ITPR1: variants seen among roughly 807,000 people sequenced by gnomAD.
ITPR1 encodes inositol 1,4,5-trisphosphate receptor type 1, also known as inositol 1,4,5-trisphosphate-gated calcium channel ITPR1.
A neutral mutation model predicts 318.4 loss-of-function variants in ITPR1; 96 were observed. The observed-to-expected ratio is 0.30, with a 90% CI of 0.26 to 0.36. ITPR1 has a LOEUF of 0.36. Ranked by LOEUF, ITPR1 falls within the 10% of genes least tolerant of loss-of-function variation. ITPR1 has a pLI of 1.00. For synonymous variants in ITPR1, 1,312 were observed against 1,289.9 expected, an observed-to-expected ratio of 1.02 and a Z score of -0.37; for missense variants, 2,440 against 3,460.2, an observed-to-expected ratio of 0.71 and a Z score of 7.40.
intron 4 of ITPR1, among the ~76,000 whole-genome samples, chr3:4,537,662 C>A (rs2124967048): frequency 6.6e-6 from 1 of 152,242 alleles, no homozygotes; most frequent in East Asian, 1.9e-4. Context: ...AGGATAGAAA[C>A]AATAGGTTGG....
chr3:4,767,550 ACT>A (rs1201773323), intron 45 of ITPR1, among the ~76,000 whole-genome samples: 2 of 152,188 alleles, frequency 1.3e-5, no homozygotes, highest in African/African-American at 4.8e-5. Context: ...GCTCTGTCTC[ACT>A]CTGTTGCCCA....
intron 4 of ITPR1, among the ~76,000 whole-genome samples, chr3:4,622,805 T>C (rs1434328816): frequency 6.6e-6 from 1 of 152,228 alleles, no homozygotes; most frequent in Non-Finnish European, 1.5e-5. Flanking sequence ...TGCAGTTGTT[T>C]CTGGAGCACT....
In ITPR1 at chr3:4,685,152, G is replaced by A. The variant is rs540908870; in HGVS notation, c.3648G>A (p.Arg1216=). 67 of 1,609,268 alleles carry A rather than the reference G, an allele frequency of 4.2e-5. No homozygotes were observed. The East Asian group carries it at 1.5e-3, about 35-fold the overall frequency. Residue 1216 remains arginine, a synonymous_variant, in exon 30 of 62, where the codon CGG becomes CGA. Transcript: ENST00000649015. ...KSRKQQQRLL[R]NMGAHAVVLE... is the part of the protein sequence containing the mutation. ...GGAAGCAGCAACAGCGTCTGCTCCG[G>A]AACATGGGCGCGCACGCCGTGGTGC...
intron 4 of ITPR1, among the ~76,000 whole-genome samples, chr3:4,539,483 A>AT (rs2084210311): frequency 6.6e-6 from 1 of 151,926 alleles, no homozygotes; most frequent in Non-Finnish European, 1.5e-5. Context: ...ATTTGTTAAA[A>AT]TTTTCTATTA....
intron 4 of ITPR1, among the ~76,000 whole-genome samples, chr3:4,586,320 G>A (rs576052549): frequency 1.3e-5 from 2 of 152,248 alleles, no homozygotes; most frequent in African/African-American, 4.8e-5. Context: ...CATGAGGCTG[G>A]TGCTAGTCAT....
At chr3:4,615,985 T>C (rs1482493237) in intron 4 of ITPR1, among the ~76,000 whole-genome samples, 4 of 152,206 alleles carry the variant, frequency 2.6e-5, no homozygotes, top group Non-Finnish European at 5.9e-5. Flanking sequence ...GTCTATGTTT[T>C]TTGCAGATGG....
intron 4 of ITPR1, among the ~76,000 whole-genome samples, chr3:4,551,200 C>G (rs1033054629): frequency 6.6e-6 from 1 of 152,122 alleles, no homozygotes; most frequent in African/African-American, 2.4e-5. Context: ...TTTTGTTGCT[C>G]TTATTCTTGT....
intron 57 of ITPR1, 57 bp downstream of exon 57, chr3:4,813,291 C>A: frequency 1.7e-6 from 2 of 1,172,072 alleles, no homozygotes; most frequent in Non-Finnish European, 2.5e-6. Flanking sequence ...AGAGGCTTAG[C>A]TGATGCAGGT....
rs758802963 is a variant in ITPR1, at chr3:4,735,235, A to C, written c.5425A>C (p.Lys1809Gln). 1.2e-6 allele frequency: 2 copies of C among 1,613,862 alleles called. No individual in the cohort carries two copies. Among genetic ancestry groups the C allele is most frequent in the South Asian group, 1.1e-5 (1 of 91,076 alleles). ...GGCCGAGGTTCAGTGTCACCTTGAC[A>C]AGGAGGGGGCTTCCAATCTAGTTAT... Reference protein sequence around the residue: ...SLAEVQCHLDKEGASNLVIDL... With the variant: ...SLAEVQCHLDQEGASNLVIDL... The change falls in exon 44 of 62, where the codon AAG becomes CAG. Residue 1809 changes from lysine to glutamine, a missense_variant. Transcript: ENST00000649015.
At chr3:4,528,054 T>C (rs1044809419) in intron 4 of ITPR1, among the ~76,000 whole-genome samples, 2 of 152,206 alleles carry the variant, frequency 1.3e-5, no homozygotes, top group African/African-American at 4.8e-5. Context: ...ATCTTGGTCT[T>C]GCCTGCAATT....
chr3:4,616,386 C>G (rs1369345812), intron 4 of ITPR1, among the ~76,000 whole-genome samples: 2 of 152,210 alleles, frequency 1.3e-5, no homozygotes, highest in African/African-American at 4.8e-5. Context: ...ACTTTTAAAT[C>G]TTAACCCCCT....
chr3:4,792,245 T>C (rs2047607514), intron 52 of ITPR1, among the ~76,000 whole-genome samples: 1 of 152,160 alleles, frequency 6.6e-6, no homozygotes, highest in African/African-American at 2.4e-5. Context: ...CTTAACCTAA[T>C]CATACCTGCA....
intron 42 of ITPR1, 48 bp downstream of exon 42, chr3:4,727,221 G>A (rs368478801): frequency 1.1e-5 from 15 of 1,360,808 alleles, no homozygotes; most frequent in Admixed American, 3.8e-5. Context: ...ATCAATGACC[G>A]TAACACCTCC....
At chr3:4,501,013 C>A (rs1053585114) in intron 2 of ITPR1, among the ~76,000 whole-genome samples, 1 of 132,694 alleles carries the variant, frequency 7.5e-6, no homozygotes, top group African/African-American at 2.8e-5. Context: ...CCCACCACTC[C>A]TGGCTAATTT....
chr3:4,644,939 C>T (rs1294742367), intron 8 of ITPR1, among the ~76,000 whole-genome samples: 1 of 152,158 alleles, frequency 6.6e-6, no homozygotes, highest in Non-Finnish European at 1.5e-5. Flanking sequence ...AAACCTAGTG[C>T]CTGGCACAGA....
At chr3:4,757,984 G>A (rs2045138217) in intron 44 of ITPR1, among the ~76,000 whole-genome samples, 1 of 152,168 alleles carries the variant, frequency 6.6e-6, no homozygotes, top group Admixed American at 6.5e-5. Context: ...GACTCCCAGA[G>A]TTGATGTGAA....
intron 4 of ITPR1, among the ~76,000 whole-genome samples, chr3:4,614,137 A>C (rs1202458272): frequency 6.6e-6 from 1 of 152,224 alleles, no homozygotes. Flanking sequence ...GTGGCAGTGC[A>C]TACCTCTAGT....
At chr3:4,753,694 G>A (rs1037396596) in intron 44 of ITPR1, among the ~76,000 whole-genome samples, 1 of 152,156 alleles carries the variant, frequency 6.6e-6, no homozygotes, top group African/African-American at 2.4e-5. Flanking sequence ...CTAAGCCAGT[G>A]TCCTTGCCTC....
chr3:4,838,472 G>T (rs1033171162), intron 61 of ITPR1, among the ~76,000 whole-genome samples: 1 of 151,710 alleles, frequency 6.6e-6, no homozygotes, highest in Admixed American at 6.6e-5. Flanking sequence ...GCAAGCTTTA[G>T]TTATCTTCTT....
Sources: allele counts gnomAD v4.1 joint callset (sites outside exome capture counted in the v4.1 genomes callset), GRCh38; gene constraint gnomAD v4.1.1; transcripts MANE v1.5; gene names NCBI Gene and HGNC (gene_info 2026-07-23, HGNC 2026-07-21).